MELK: variants seen among roughly 807,000 people sequenced by gnomAD.
MELK encodes the protein maternal embryonic leucine zipper kinase.
A neutral mutation model predicts 85.0 loss-of-function variants in MELK; 81 were observed. The ratio of observed to expected loss-of-function variants is 0.95; its 90% CI spans 0.80 to 1.15. MELK has a LOEUF of 1.15. MELK is among the 50% of genes most tolerant of loss of function. The pLI is 0.00. For synonymous variants in MELK, 252 were observed against 265.0 expected, an observed-to-expected ratio of 0.95 and a Z score of 0.48; for missense variants, 754 against 777.5, an observed-to-expected ratio of 0.97 and a Z score of 0.36.
intron 3 of MELK, 146 bp from the exon 4 acceptor site, chr9:36,589,390 C>G (rs1156880180): frequency 6.7e-6 from 4 of 594,662 alleles, no homozygotes; most frequent in Non-Finnish European, 1.2e-5. Context: ...CCTCATGATC[C>G]GCCCGCCTCG....
At chr9:36,654,080 C>T (rs1830982047) in intron 12 of MELK, among the ~76,000 whole-genome samples, 3 of 152,032 alleles carry the variant, frequency 2.0e-5, no homozygotes. Context: ...ATATTCTGTG[C>T]CTAGGCAGCT....
intron 7 of MELK, among the ~76,000 whole-genome samples, chr9:36,602,787 G>A (rs1449991771): frequency 1.3e-5 from 2 of 152,036 alleles, no homozygotes; most frequent in Non-Finnish European, 2.9e-5. Flanking sequence ...TCTAACTCCC[G>A]ACCCCAGGTG....
chr9:36,663,206 G>A (rs775777784), intron 13 of MELK, among the ~76,000 whole-genome samples: 8 of 151,478 alleles, frequency 5.3e-5, no homozygotes, highest in Admixed American at 1.3e-4. Flanking sequence ...TCAGCCTCCC[G>A]AGTAGCTGGG....
Position 36,677,492 on chromosome 9 carries a change from G to C in MELK, c.*155G>C. ...AATATCTCTTTGTTTTTAAACAAAA[G>C]ATATTATTTTGTGTATGAATCTAAA... On this transcript the variant is annotated 3_prime_UTR_variant, in exon 18 of 18. Transcript: ENST00000298048. 1.7e-6 allele frequency: 1 copy of C among 601,486 alleles called. No homozygotes were observed. The highest frequency in any genetic ancestry group is 4.5e-4 in the Middle Eastern group (1 of 2,212). 37.3% of individuals were successfully genotyped at this position (601,486 alleles called of 1,614,324 possible). A position where few individuals can be genotyped will look rare whatever the true frequency, so the allele number is the denominator to read the frequency against.
intron 1 of MELK, 130 bp from the exon 2 acceptor site, chr9:36,581,514 C>A: frequency 1.9e-6 from 1 of 517,836 alleles, no homozygotes. Context: ...TCCTTTTTTT[C>A]ATATGGCCAA....
intron 8 of MELK, among the ~76,000 whole-genome samples, chr9:36,628,071 T>A (rs185002244): frequency 1.3e-5 from 2 of 151,412 alleles, no homozygotes; most frequent in Non-Finnish European, 2.9e-5. Flanking sequence ...CTGGCTAATA[T>A]TTTGTATTTA....
chr9:36,610,053 G>T (rs1479698957), intron 8 of MELK, among the ~76,000 whole-genome samples: 2 of 152,178 alleles, frequency 1.3e-5, no homozygotes, highest in Admixed American at 1.3e-4. Flanking sequence ...AGAAAGGGAT[G>T]TGGGCAAGAG....
In MELK at chr9:36,612,015, C is replaced by T. The variant is rs34544776; in HGVS notation, c.666+4342C>T. 2.5e-3 allele frequency among the ~76,000 whole-genome samples: 377 copies of T among 152,078 alleles called. 2 individuals carry two copies. Among genetic ancestry groups the T allele is most frequent in the Admixed American group, 4.6e-3 (71 of 15,270 alleles). On this transcript the variant is annotated intron_variant, in intron 8 of 17. Transcript: ENST00000298048. The stretch of plus-strand genomic sequence containing the variant: ...CTTGAACTCCTCACCTCGTGATCTG[C>T]GCTCCTCTGCCTCCCAAAGTGCTGG...
Position 36,669,322 on chromosome 9 carries a change from G to T in MELK, c.1421G>T (p.Cys474Phe), listed in dbSNP as rs150974354. The T allele has an allele frequency of 1.8e-5, 29 of 1,608,018 alleles. No homozygotes were observed. The highest frequency in any genetic ancestry group is 2.5e-5 in the Non-Finnish European group (29 of 1,177,120). The change falls in exon 15 of 18, where the codon TGC becomes TTC. Residue 474 changes from cysteine to phenylalanine, a missense_variant. By Grantham distance (205) the Cys-to-Phe change is radical. Transcript: ENST00000298048. ...YTTPSKARNQ[C>F]LKETPIKIPV... Reference sequence around the variant, plus strand: ...CTGTTTCTAATAGCTAGAAACCAGTGCCTGAAAGAAACTCCAATTAAAATA... The same window carrying T: ...CTGTTTCTAATAGCTAGAAACCAGTTCCTGAAAGAAACTCCAATTAAAATA...
At chr9:36,650,663 C>T (rs1455888123) in intron 11 of MELK, among the ~76,000 whole-genome samples, 1 of 152,200 alleles carries the variant, frequency 6.6e-6, no homozygotes, top group African/African-American at 2.4e-5. Flanking sequence ...CATGCGCCCT[C>T]AGGAAGTCAC....
chr9:36,659,952 A>T (rs1831629729), intron 13 of MELK, among the ~76,000 whole-genome samples: 1 of 152,160 alleles, frequency 6.6e-6, no homozygotes, highest in Non-Finnish European at 1.5e-5. Context: ...GGCATGCGCC[A>T]CCACACCTGG....
At chr9:36,655,561 A>G (rs1004002892) in intron 12 of MELK, among the ~76,000 whole-genome samples, 1 of 152,182 alleles carries the variant, frequency 6.6e-6, no homozygotes, top group Non-Finnish European at 1.5e-5. Flanking sequence ...ACTTTGTTCA[A>G]TAGTTAATGA....
At chr9:36,653,818 CTT>C (rs201550352) in intron 12 of MELK, among the ~76,000 whole-genome samples, 1,663 of 152,144 alleles carry the variant, frequency 0.011, 20 homozygotes, top group Admixed American at 0.033. Context: ...AATGCCACCT[CTT>C]TTATGATCTT....
intron 6 of MELK, among the ~76,000 whole-genome samples, chr9:36,598,385 C>T (rs2135549434): frequency 6.6e-6 from 1 of 152,244 alleles, no homozygotes; most frequent in East Asian, 1.9e-4. Context: ...AGGATTGCCT[C>T]AGCCTTCTTC....
chr9:36,615,093 G>C lies in MELK; in HGVS notation c.666+7420G>C, dbSNP rs562053995. On this transcript the variant is annotated intron_variant, in intron 8 of 17. Coordinates refer to ENST00000298048, the MANE Select transcript of MELK (RefSeq NM_014791.4). The stretch of plus-strand genomic sequence containing the variant: ...CTGACCCCCCCCCCACCTCCCTCCC[G>C]GACGGGGCGGCTGGCCGGGCAGAGG... Among the ~76,000 whole-genome samples the C allele has an allele frequency of 6.9e-3, 892 of 129,518 alleles. 3 individuals are homozygous for C. The highest frequency in any genetic ancestry group is 0.028 in the African/African-American group (811 of 29,156). 85.0% of individuals were successfully genotyped at this position (129,518 alleles called of 152,430 possible).
Position 36,671,074 on chromosome 9 carries a change from G to A in MELK, c.1582G>A (p.Gly528Arg). Residue 528 changes from glycine (G) to arginine (R), a missense_variant, in exon 16 of 18, where the codon GGG (glycine) becomes AGG (arginine). By Grantham distance (125) the Gly-to-Arg change is moderately radical. Transcript: ENST00000298048. ...TPKRKGAKVFGSLERGLDKVI... is the reference protein window; with the variant it reads ...TPKRKGAKVFRSLERGLDKVI... Reference sequence around the variant, plus strand: ...AAAAAGAAAGGGAGCCAAAGTGTTTGGGAGCCTTGAAAGGGGGTTGGATAA... The same window carrying A: ...AAAAAGAAAGGGAGCCAAAGTGTTTAGGAGCCTTGAAAGGGGGTTGGATAA... The A allele has an allele frequency of 6.2e-7, 1 of 1,613,432 alleles. No homozygotes were observed. Among genetic ancestry groups the A allele is most frequent in the Non-Finnish European group, 8.5e-7 (1 of 1,179,710 alleles).
chr9:36,607,671 A>G lies in MELK; in HGVS notation c.664A>G (p.Met222Val), dbSNP rs1825691224. 6.3e-7 allele frequency: 1 copy of G among 1,580,346 alleles called. No homozygotes were observed. The highest frequency in any genetic ancestry group is 8.7e-7 in the Non-Finnish European group (1 of 1,149,434). ...TGTAATGGCTTTATACAAGAAGATT[A>G]TGGTGAGTATTACAAGGCATAGAAT... ...DNVMALYKKI[M>V]RGKYDVPKWL... Residue 222 changes from methionine to valine, a missense_variant and splice_region_variant, in exon 8 of 18, where the codon ATG becomes GTG. Physicochemically the swap from Met to Val is conservative, Grantham distance 21. Coordinates refer to ENST00000298048, the MANE Select transcript of MELK (RefSeq NM_014791.4).
intron 9 of MELK, among the ~76,000 whole-genome samples, chr9:36,631,809 T>G (rs1365232947): frequency 6.6e-6 from 1 of 151,938 alleles, no homozygotes. Flanking sequence ...ATCACTTCAT[T>G]CCTTATAATT....
Position 36,643,717 on chromosome 9 carries a change from G to A in MELK, c.921+634G>A, listed in dbSNP as rs190907869. Reference sequence around the variant, plus strand: ...TCGGAGGCTGAGGTGGGCGGATCACGAGGTCAGGAGATCGAGACCATCCTG... The same window carrying A: ...TCGGAGGCTGAGGTGGGCGGATCACAAGGTCAGGAGATCGAGACCATCCTG... On this transcript the variant is annotated intron_variant, in intron 11 of 17. Coordinates refer to ENST00000298048, the MANE Select transcript of MELK (RefSeq NM_014791.4). Among the ~76,000 whole-genome samples the A allele has an allele frequency of 1.7e-3, 261 of 152,094 alleles. 1 individual carries two copies. The highest frequency in any genetic ancestry group is 3.0e-3 in the Non-Finnish European group (205 of 67,990).
Sources: allele counts gnomAD v4.1 joint callset (sites outside exome capture counted in the v4.1 genomes callset), GRCh38; gene constraint gnomAD v4.1.1; transcripts MANE v1.5; gene names NCBI Gene and HGNC (gene_info 2026-07-23, HGNC 2026-07-21).